The following SLC43A1 variants were observed in gnomAD, a reference collection of about 807,000 sequenced individuals.
SLC43A1 encodes the protein large neutral amino acids transporter small subunit 3.
SLC43A1 carries 31 observed loss-of-function variants against 59.5 expected under a neutral mutation model. That is an observed-to-expected ratio of 0.52 (90% CI 0.39 to 0.70). The LOEUF (loss-of-function observed/expected upper bound fraction) is 0.70. Among genes scored for constraint, SLC43A1 ranks in the 30% least tolerant of loss-of-function variants. The probability of loss-of-function intolerance (pLI) is 0.00; values close to 1 mark genes in which losing one functional copy is unlikely to be tolerated. For synonymous variants in SLC43A1, 259 were observed against 290.9 expected (o/e 0.89, Z 1.12); for missense variants, 598 against 717.8 (o/e 0.83, Z 1.91).
In SLC43A1 at chr11:57,514,647, A is replaced by C; in HGVS notation, c.-13-523T>G. Reference sequence around the variant, plus strand: ...CTTCCCTCTGGGGCCGGGCGACAGCAAGCCCTCCCCCTTTCCGTATCAGGT... The same window carrying C: ...CTTCCCTCTGGGGCCGGGCGACAGCCAGCCCTCCCCCTTTCCGTATCAGGT... On this transcript the variant is annotated intron_variant, in intron 1 of 14. Transcript: ENST00000278426. The surrounding 1 kb of genome is among the most constrained non-coding windows in gnomAD (Gnocchi z 5.5). 5.3e-6 allele frequency: 1 copy of C among 187,558 alleles called. No individual in the cohort carries two copies. Among genetic ancestry groups the C allele is most frequent in the Non-Finnish European group, 1.0e-5 (1 of 99,604 alleles). 11.6% of individuals were successfully genotyped at this position (187,558 alleles called of 1,614,324 possible).
chr11:57,490,738 AG>A (rs1943874019), intron 11 of SLC43A1, among the ~76,000 whole-genome samples: 1 of 152,182 alleles, frequency 6.6e-6, no homozygotes, highest in South Asian at 2.1e-4. Context: ...TGAGATGAGA[AG>A]TGTTTGTTGT....
At chr11:57,510,031 A>G (rs1944496740) in intron 2 of SLC43A1, among the ~76,000 whole-genome samples, 1 of 152,204 alleles carries the variant, frequency 6.6e-6, no homozygotes, top group African/African-American at 2.4e-5. Flanking sequence ...AAGGACCTGA[A>G]TAGACCTTTC....
At chr11:57,488,341 G>A (rs1459193235) in intron 13 of SLC43A1, among the ~76,000 whole-genome samples, 1 of 152,176 alleles carries the variant, frequency 6.6e-6, no homozygotes, top group Non-Finnish European at 1.5e-5. Context: ...CAGGGTTCTG[G>A]CTTGAGCAGA....
In SLC43A1 at chr11:57,491,623, G is replaced by A; in HGVS notation, c.1022C>T (p.Thr341Ile). ...TGCCACCTTTTGTTGCTGTTCATTT[G>A]TCTCTGTGGGTAGGGAAACGTATGG... ...YLVTGGQEHE[T>I]NEQQQKVAET... Residue 341 changes from threonine to isoleucine, a missense_variant, in exon 10 of 15, where the codon ACA becomes ATA. Thr to Ile is a moderately conservative substitution (Grantham distance 89, BLOSUM62 -1). Transcript: ENST00000278426. 6.2e-7 allele frequency: 1 copy of A among 1,614,158 alleles called. No homozygotes were observed. The highest frequency in any genetic ancestry group is 8.5e-7 in the Non-Finnish European group (1 of 1,180,016).
intron 14 of SLC43A1, among the ~76,000 whole-genome samples, chr11:57,485,710 C>T (rs1205225053): frequency 6.6e-6 from 1 of 152,210 alleles, no homozygotes; most frequent in Non-Finnish European, 1.5e-5. Context: ...GACACGCGGG[C>T]TCTGACTCGG....
At position 57,514,934 on chromosome 11, in the gene SLC43A1, C is replaced by G; in HGVS notation, c.-14+510G>C. 1.0e-6 allele frequency: 1 copy of G among 973,438 alleles called. No homozygotes were observed. Among genetic ancestry groups the G allele is most frequent in the East Asian group, 1.1e-4 (1 of 8,712 alleles). 60.3% of individuals were successfully genotyped at this position (973,438 alleles called of 1,614,324 possible). On this transcript the variant is annotated intron_variant, in intron 1 of 14. Transcript: ENST00000278426. The surrounding 1 kb of genome is among the most constrained non-coding windows in gnomAD (Gnocchi z 5.5). ...TGGGCTGGCGGGCGGGTGTGTTTACCAAAGGGAGGGAAAGAGCCCCAGCTC... is the reference window on the plus strand; with the variant it reads ...TGGGCTGGCGGGCGGGTGTGTTTACGAAAGGGAGGGAAAGAGCCCCAGCTC...
intron 2 of SLC43A1, among the ~76,000 whole-genome samples, chr11:57,512,626 A>C (rs1165341109): frequency 1.3e-5 from 2 of 151,622 alleles, no homozygotes; most frequent in African/African-American, 4.8e-5. Context: ...GGATAAACTC[A>C]TAGGGGACTT....
In SLC43A1 at chr11:57,494,221, C is replaced by A. The variant is rs201560723; in HGVS notation, c.693-50G>T. 2.6e-6 allele frequency: 4 copies of A among 1,560,652 alleles called. No individual in the cohort carries two copies. In the East Asian group the frequency reaches 9.2e-5, roughly 36 times the overall value. On this transcript the variant is annotated intron_variant, in intron 7 of 14. Transcript: ENST00000278426. ...AGAGGAACCAGTCACACAGAGCCCA[C>A]CTTCAACGGCCTAGTGCTCGGCGGC...
intron 14 of SLC43A1, among the ~76,000 whole-genome samples, 184 bp downstream of exon 14, chr11:57,486,911 G>A (rs1943748084): frequency 6.6e-6 from 1 of 152,178 alleles, no homozygotes; most frequent in Admixed American, 6.5e-5. Context: ...CAGGGGACTG[G>A]GGAATCTGTA....
Position 57,484,996 on chromosome 11 carries a change from G to A in SLC43A1, c.*100C>T. ...TGGTATTTATAAATCTACGGCCATG[G>A]CTCTATGTGCATGTTACAGGTAGAA... On this transcript the variant is annotated 3_prime_UTR_variant, in exon 15 of 15. Coordinates refer to ENST00000278426, the MANE Select transcript of SLC43A1 (RefSeq NM_003627.6). 2 of 1,295,334 alleles carry A rather than the reference G, an allele frequency of 1.5e-6. No homozygotes were observed. The highest frequency in any genetic ancestry group is 2.1e-6 in the Non-Finnish European group (2 of 954,086). The allele number at this position is 1,295,334 out of a possible 1,614,324, so 80.2% of individuals were successfully genotyped here.
At chr11:57,508,021 C>A (rs905269996) in intron 2 of SLC43A1, among the ~76,000 whole-genome samples, 1 of 152,224 alleles carries the variant, frequency 6.6e-6, no homozygotes, top group African/African-American at 2.4e-5. Context: ...AATCCCGACA[C>A]TTTGGGAGGC....
intron 8 of SLC43A1, 138 bp downstream of exon 8, chr11:57,493,855 G>T (rs879026040): frequency 3.9e-6 from 3 of 765,766 alleles, no homozygotes; most frequent in Admixed American, 4.0e-5. Context: ...TGTAAATGAG[G>T]AGCATGCCCC....
In SLC43A1 at chr11:57,484,872, A is replaced by C; in HGVS notation, c.*224T>G. ...AGGAAGAAGGCTCAACCCCTCTAGG[A>C]TAGGGACTGTCTTCAGTCAATGGAG... On this transcript the variant is annotated 3_prime_UTR_variant, in exon 15 of 15. Coordinates refer to ENST00000278426, the MANE Select transcript of SLC43A1 (RefSeq NM_003627.6). 1 of 479,958 alleles carries C rather than the reference A, an allele frequency of 2.1e-6. No homozygotes were observed. The allele number at this position is 479,958 out of a possible 1,614,324, so 29.7% of individuals were successfully genotyped here. A position where few individuals can be genotyped will look rare whatever the true frequency, so the allele number is the denominator to read the frequency against.
At chr11:57,490,156 G>A (rs1311005534) in intron 11 of SLC43A1, among the ~76,000 whole-genome samples, 1 of 152,150 alleles carries the variant, frequency 6.6e-6, no homozygotes, top group Non-Finnish European at 1.5e-5. Flanking sequence ...AGCAAAAGCA[G>A]TCACAGAATC....
At chr11:57,513,934 C>T in intron 2 of SLC43A1, 24 bp downstream of exon 2, 4 of 1,174,548 alleles carry the variant, frequency 3.4e-6, no homozygotes, top group Non-Finnish European at 5.0e-6. Context: ...CCCCCCAGCC[C>T]ACCCAGCCCA....
At position 57,485,181 on chromosome 11, in the gene SLC43A1, T is replaced by C. The variant is rs377101978; in HGVS notation, c.1595A>G (p.Tyr532Cys). Residue 532 changes from tyrosine (Y) to cysteine (C), a missense_variant, in exon 15 of 15, where the codon TAT becomes TGT. Tyr to Cys is a radical substitution (Grantham distance 194). Coordinates refer to ENST00000278426, the MANE Select transcript of SLC43A1 (RefSeq NM_003627.6). ...LGFLLPSYLF[Y>C]YRARLQQEYA... is the part of the protein sequence containing the mutation. ...CTCCTGCTGGAGCCGGGCACGGTAA[T>C]AGAAGAGGTAGGAAGGCAACAGGAA... 3 of 1,613,876 alleles carry C rather than the reference T, an allele frequency of 1.9e-6. No individual in the cohort carries two copies. Among genetic ancestry groups the C allele is most frequent in the South Asian group, 1.1e-5 (1 of 91,048 alleles).
rs78627383 is a variant in SLC43A1 at position 57,515,590 on chromosome 11, G to A, written c.-160C>T. The A allele has an allele frequency of 6.6e-6, 1 of 152,258 alleles. No individual in the cohort carries two copies. The allele number at this position is 152,258 out of a possible 1,614,324, so 9.4% of individuals were successfully genotyped here. On this transcript the variant is annotated 5_prime_UTR_variant, in exon 1 of 15. Coordinates refer to ENST00000278426, the MANE Select transcript of SLC43A1 (RefSeq NM_003627.6). The surrounding 1 kb of genome is among the most constrained non-coding windows in gnomAD (Gnocchi z 5.3). The stretch of plus-strand genomic sequence containing the variant: ...CTGCGTGCAGGACCCGGCGGCCACG[G>A]AGCTTCAGCCTGACAGCCCGGTGGC...
chr11:57,493,352 T>C (rs888334116), intron 8 of SLC43A1, among the ~76,000 whole-genome samples: 8 of 152,198 alleles, frequency 5.3e-5, no homozygotes, highest in African/African-American at 1.9e-4. Context: ...CATGGTGTCA[T>C]TCAATCATCA....
At position 57,501,079 on chromosome 11, in the gene SLC43A1, G is replaced by A. The variant is rs982601016; in HGVS notation, c.333-36C>T. 16 of 1,607,156 alleles carry A rather than the reference G, an allele frequency of 1.0e-5. No individual in the cohort carries two copies. In the African/African-American group the frequency reaches 1.7e-4, roughly 17 times the overall value. On this transcript the variant is annotated intron_variant, in intron 3 of 14. Transcript: ENST00000278426. ...ACAGGGAAGGGCGAGGGGTTGGCCT[G>A]TGAGCACCCCCCCTCCCCTCCCCCT...
Sources: allele counts gnomAD v4.1 joint callset (sites outside exome capture counted in the v4.1 genomes callset), GRCh38; gene constraint gnomAD v4.1.1; non-coding constraint Gnocchi (gnomAD v3.1); transcripts MANE v1.5; gene names NCBI Gene and HGNC (gene_info 2026-07-23, HGNC 2026-07-21).